H4C13: variants seen among roughly 807,000 people sequenced by gnomAD.
The protein encoded by H4C13 is H4 clustered histone 13.
In H4C13, 11 loss-of-function variants were observed where a neutral mutation model predicts 5.2. The observed-to-expected ratio is 2.13, with a 90% CI of 1.34 to 3.52. H4C13 has a LOEUF of 3.52. Ranked by LOEUF, H4C13 falls within the 30% of genes most tolerant of loss-of-function variation. H4C13 has a pLI of 0.00. For synonymous variants in H4C13, 94 were observed against 59.4 expected (o/e 1.58, Z -2.68); for missense variants, 171 against 146.8 (o/e 1.17, Z -0.85).
Position 27,873,455 on chromosome 6 carries a change from TGGCGCTTAGCGCCTCCTTTGCCCA to T in H4C13, c.32_55del (p.Leu11_Arg18del). ...AATGTTGTCGCGCAGAACTTTGCGG[TGGCGCTTAGCGCCTCCTTTGCCCA>T]GACCCTTCCCGCCTTTGCCGCGCCC... On this transcript the variant is annotated inframe_deletion, in exon 1 of 1. Transcript: ENST00000618305. 1.2e-6 allele frequency: 2 copies of T among 1,614,198 alleles called. No individual in the cohort carries two copies. Among genetic ancestry groups the T allele is most frequent in the African/African-American group, 2.7e-5 (2 of 75,072 alleles).
chr6:27,873,276 G>C lies in H4C13; in HGVS notation c.235C>G (p.Arg79Gly), dbSNP rs537599294. The change falls in exon 1 of 1, where the codon CGC becomes GGC. Residue 79 changes from arginine (R) to glycine (G), a missense_variant. By Grantham distance (125) the Arg-to-Gly change is moderately radical. Transcript: ENST00000618305. ...ACGTCCATGGCTGTGACTGTCTTGC[G>C]TTTGGCGTGCTCCGTGTAGGTAACT... is the stretch of plus-strand genomic sequence containing the variant. ...DAVTYTEHAK[R>G]KTVTAMDVVY... is the part of the protein sequence containing the mutation. 1 of 1,614,268 alleles carries C rather than the reference G, an allele frequency of 6.2e-7. No homozygotes were observed. The highest frequency in any genetic ancestry group is 1.3e-5 in the African/African-American group (1 of 75,078).
In H4C13 at chr6:27,873,477, C is replaced by T; in HGVS notation, c.34G>A (p.Gly12Ser). Residue 12 changes from glycine (G) to serine (S), a missense_variant, in exon 1 of 1, where the codon GGC becomes AGC. Coordinates refer to ENST00000618305, the MANE Select transcript of H4C13 (RefSeq NM_003546.3). ...SGRGKGGKGLGKGGAKRHRKV... is the reference protein window; with the variant it reads ...SGRGKGGKGLSKGGAKRHRKV... Reference sequence around the variant, plus strand: ...CGGTGGCGCTTAGCGCCTCCTTTGCCCAGACCCTTCCCGCCTTTGCCGCGC... The same window carrying T: ...CGGTGGCGCTTAGCGCCTCCTTTGCTCAGACCCTTCCCGCCTTTGCCGCGC... The T allele has an allele frequency of 6.2e-7, 1 of 1,612,880 alleles. No homozygotes were observed. The highest frequency in any genetic ancestry group is 8.5e-7 in the Non-Finnish European group (1 of 1,179,234).
rs572718363 is a variant in H4C13, at chr6:27,873,355, G to T, written c.156C>A (p.Tyr52Ter). ...GGVKRISGLI[Y>*]EETRGVLKVF... ...CTTTAAGAACTCCGCGTGTCTCCTC[G>T]TATATAAGGCCTGAGATGCGCTTAA... The change falls in exon 1 of 1, where the codon TAC (tyrosine) becomes TAA (stop). Residue 52 changes from tyrosine to a stop codon, truncating the protein, a stop_gained. Transcript: ENST00000618305. LOFTEE classifies it high-confidence loss of function. The T allele has an allele frequency of 1.9e-6, 3 of 1,614,262 alleles. No homozygotes were observed. The South Asian group carries it at 3.3e-5, about 18-fold the overall frequency.
At position 27,873,314 on chromosome 6, in the gene H4C13, A is replaced by G; in HGVS notation, c.197T>C (p.Val66Ala). ...CGTGTAGGTAACTGCATCGCGGATTACATTCTCCAAAAACACTTTAAGAAC... is the reference window on the plus strand; with the variant it reads ...CGTGTAGGTAACTGCATCGCGGATTGCATTCTCCAAAAACACTTTAAGAAC... ...RGVLKVFLENVIRDAVTYTEH... is the reference protein window; with the variant it reads ...RGVLKVFLENAIRDAVTYTEH... The change falls in exon 1 of 1, where the codon GTA becomes GCA. Residue 66 changes from valine to alanine, a missense_variant. Coordinates refer to ENST00000618305, the MANE Select transcript of H4C13 (RefSeq NM_003546.3). The G allele has an allele frequency of 6.2e-7, 1 of 1,614,274 alleles. No homozygotes were observed. The highest frequency in any genetic ancestry group is 2.2e-5 in the East Asian group (1 of 44,886).
In H4C13 at chr6:27,873,310, G is replaced by C; in HGVS notation, c.201C>G (p.Ile67Met). The C allele has an allele frequency of 6.2e-7, 1 of 1,614,270 alleles. No individual in the cohort carries two copies. Among genetic ancestry groups the C allele is most frequent in the Non-Finnish European group, 8.5e-7 (1 of 1,180,050 alleles). ...GVLKVFLENV[I>M]RDAVTYTEHA... ...GCTCCGTGTAGGTAACTGCATCGCGGATTACATTCTCCAAAAACACTTTAA... is the reference window on the plus strand; with the variant it reads ...GCTCCGTGTAGGTAACTGCATCGCGCATTACATTCTCCAAAAACACTTTAA... The change falls in exon 1 of 1, where the codon ATC (isoleucine) becomes ATG (methionine). Residue 67 changes from isoleucine (I) to methionine (M), a missense_variant. By Grantham distance (10) the Ile-to-Met change is conservative (BLOSUM62 1). Coordinates refer to ENST00000618305, the MANE Select transcript of H4C13 (RefSeq NM_003546.3).
At position 27,873,451 on chromosome 6, in the gene H4C13, G is replaced by A; in HGVS notation, c.60C>T (p.Arg20=). ...CCTGAATGTTGTCGCGCAGAACTTT[G>A]CGGTGGCGCTTAGCGCCTCCTTTGC... The part of the protein sequence containing the change: ...GLGKGGAKRH[R]KVLRDNIQGI... Residue 20 remains arginine (R), a synonymous_variant, in exon 1 of 1, where the codon CGC becomes CGT. Coordinates refer to ENST00000618305, the MANE Select transcript of H4C13 (RefSeq NM_003546.3). The A allele has an allele frequency of 6.2e-7, 1 of 1,614,230 alleles. No individual in the cohort carries two copies. Among genetic ancestry groups the A allele is most frequent in the Non-Finnish European group, 8.5e-7 (1 of 1,180,012 alleles).
rs775836737 is a variant in H4C13, at chr6:27,873,275, C to G, written c.236G>C (p.Arg79Pro). 3 of 1,614,270 alleles carry G rather than the reference C, an allele frequency of 1.9e-6. No homozygotes were observed. In the South Asian group the frequency reaches 3.3e-5, roughly 18 times the overall value. The stretch of plus-strand genomic sequence containing the variant: ...CACGTCCATGGCTGTGACTGTCTTG[C>G]GTTTGGCGTGCTCCGTGTAGGTAAC... Reference protein sequence around the residue: ...DAVTYTEHAKRKTVTAMDVVY... With the variant: ...DAVTYTEHAKPKTVTAMDVVY... Residue 79 changes from arginine to proline, a missense_variant, in exon 1 of 1, where the codon CGC (arginine) becomes CCC (proline). Coordinates refer to ENST00000618305, the MANE Select transcript of H4C13 (RefSeq NM_003546.3).
In H4C13 at chr6:27,873,221, G is replaced by T. The variant is rs755679155; in HGVS notation, c.290C>A (p.Thr97Asn). 2.5e-6 allele frequency: 4 copies of T among 1,614,126 alleles called. No homozygotes were observed. Among genetic ancestry groups the T allele is most frequent in the Non-Finnish European group, 3.4e-6 (4 of 1,180,026 alleles). Residue 97 changes from threonine to asparagine, a missense_variant, in exon 1 of 1, where the codon ACC becomes AAC. Thr to Asn is a moderately conservative substitution (Grantham distance 65). Coordinates refer to ENST00000618305, the MANE Select transcript of H4C13 (RefSeq NM_003546.3). Reference sequence around the variant, plus strand: ...CACTCAGCCGCCAAAGCCATACAGGGTGCGGCCCTGGCGCTTGAGCGCGTA... The same window carrying T: ...CACTCAGCCGCCAAAGCCATACAGGTTGCGGCCCTGGCGCTTGAGCGCGTA... ...VVYALKRQGR[T>N]LYGFGG
At position 27,873,419 on chromosome 6, in the gene H4C13, G is replaced by T. The variant is rs776319064; in HGVS notation, c.92C>A (p.Thr31Asn). The change falls in exon 1 of 1, where the codon ACC becomes AAC. Residue 31 changes from threonine (T) to asparagine (N), a missense_variant. Transcript: ENST00000618305. ...KVLRDNIQGI[T>N]KPAIRRLARR... ...TGCCAGGCGTCGGATGGCGGGCTTGGTGATGCCCTGAATGTTGTCGCGCAG... is the reference window on the plus strand; with the variant it reads ...TGCCAGGCGTCGGATGGCGGGCTTGTTGATGCCCTGAATGTTGTCGCGCAG... The T allele has an allele frequency of 6.2e-7, 1 of 1,614,298 alleles. No homozygotes were observed. The highest frequency in any genetic ancestry group is 1.1e-5 in the South Asian group (1 of 91,092).
In H4C13 at chr6:27,873,174, G is replaced by A. The variant is rs760845310; in HGVS notation, c.*25C>T. ...GGGTGGCCCTGAGAAGGGCCTTTGA[G>A]GAACCGTGTAAGTAAGTAAAACACT... On this transcript the variant is annotated 3_prime_UTR_variant, in exon 1 of 1. Transcript: ENST00000618305. 3.7e-6 allele frequency: 6 copies of A among 1,600,714 alleles called. No individual in the cohort carries two copies. The highest frequency in any genetic ancestry group is 1.7e-5 in the Admixed American group (1 of 58,316).
In H4C13 at chr6:27,873,242, G is replaced by A. The variant is rs748028918; in HGVS notation, c.269C>T (p.Ala90Val). ...KTVTAMDVVY[A>V]LKRQGRTLYG... ...CAGGGTGCGGCCCTGGCGCTTGAGC[G>A]CGTAAACCACGTCCATGGCTGTGAC... Residue 90 changes from alanine to valine, a missense_variant, in exon 1 of 1, where the codon GCG (alanine) becomes GTG (valine). By Grantham distance (64) the Ala-to-Val change is moderately conservative (BLOSUM62 0). Coordinates refer to ENST00000618305, the MANE Select transcript of H4C13 (RefSeq NM_003546.3). 3 of 1,614,288 alleles carry A rather than the reference G, an allele frequency of 1.9e-6. No individual in the cohort carries two copies. The highest frequency in any genetic ancestry group is 2.5e-6 in the Non-Finnish European group (3 of 1,180,046).
Position 27,873,214 on chromosome 6 carries a change from A to T in H4C13, c.297T>A (p.Tyr99Ter). 6.2e-7 allele frequency: 1 copy of T among 1,614,192 alleles called. No individual in the cohort carries two copies. The highest frequency in any genetic ancestry group is 8.5e-7 in the Non-Finnish European group (1 of 1,180,002). ...AGTAAAACACTCAGCCGCCAAAGCC[A>T]TACAGGGTGCGGCCCTGGCGCTTGA... Reference protein sequence around the residue: ...YALKRQGRTLYGFGG With the variant: ...YALKRQGRTL The change falls in exon 1 of 1, where the codon TAT (tyrosine) becomes TAA (stop). Residue 99 changes from tyrosine to a stop codon, truncating the protein, a stop_gained. Transcript: ENST00000618305. LOFTEE classifies it high-confidence loss of function.
At position 27,873,221 on chromosome 6, in the gene H4C13, G is replaced by C; in HGVS notation, c.290C>G (p.Thr97Ser). 6.2e-7 allele frequency: 1 copy of C among 1,614,244 alleles called. No homozygotes were observed. The highest frequency in any genetic ancestry group is 8.5e-7 in the Non-Finnish European group (1 of 1,180,018). Residue 97 changes from threonine (T) to serine (S), a missense_variant, in exon 1 of 1, where the codon ACC becomes AGC. Coordinates refer to ENST00000618305, the MANE Select transcript of H4C13 (RefSeq NM_003546.3). ...CACTCAGCCGCCAAAGCCATACAGGGTGCGGCCCTGGCGCTTGAGCGCGTA... is the reference window on the plus strand; with the variant it reads ...CACTCAGCCGCCAAAGCCATACAGGCTGCGGCCCTGGCGCTTGAGCGCGTA... Reference protein sequence around the residue: ...VVYALKRQGRTLYGFGG With the variant: ...VVYALKRQGRSLYGFGG
chr6:27,873,376 C>A lies in H4C13; in HGVS notation c.135G>T (p.Lys45Asn), dbSNP rs1761651410. 1.2e-6 allele frequency: 2 copies of A among 1,614,262 alleles called. No individual in the cohort carries two copies. The highest frequency in any genetic ancestry group is 1.7e-6 in the Non-Finnish European group (2 of 1,180,042). ...IRRLARRGGV[K>N]RISGLIYEET... is the part of the protein sequence containing the mutation. ...CCTCGTATATAAGGCCTGAGATGCG[C>A]TTAACGCCTCCACGCCGTGCCAGGC... is the stretch of plus-strand genomic sequence containing the variant. The change falls in exon 1 of 1, where the codon AAG (lysine) becomes AAT (asparagine). Residue 45 changes from lysine to asparagine, a missense_variant. Transcript: ENST00000618305.
Position 27,873,348 on chromosome 6 carries a change from T to A in H4C13, c.163A>T (p.Thr55Ser). The A allele has an allele frequency of 3.1e-6, 5 of 1,614,270 alleles. No individual in the cohort carries two copies. The highest frequency in any genetic ancestry group is 4.2e-6 in the Non-Finnish European group (5 of 1,180,044). ...AAAAACACTTTAAGAACTCCGCGTG[T>A]CTCCTCGTATATAAGGCCTGAGATG... is the stretch of plus-strand genomic sequence containing the variant. ...KRISGLIYEE[T>S]RGVLKVFLEN... The change falls in exon 1 of 1, where the codon ACA (threonine) becomes TCA (serine). Residue 55 changes from threonine to serine, a missense_variant. Thr to Ser is a moderately conservative substitution (Grantham distance 58). Coordinates refer to ENST00000618305, the MANE Select transcript of H4C13 (RefSeq NM_003546.3).
In H4C13 at chr6:27,873,212, C is replaced by G; in HGVS notation, c.299G>C (p.Gly100Ala). 1 of 1,614,054 alleles carries G rather than the reference C, an allele frequency of 6.2e-7. No homozygotes were observed. Among genetic ancestry groups the G allele is most frequent in the Admixed American group, 1.7e-5 (1 of 60,022 alleles). ...TAAGTAAAACACTCAGCCGCCAAAG[C>G]CATACAGGGTGCGGCCCTGGCGCTT... ...ALKRQGRTLY[G>A]FGG Residue 100 changes from glycine (G) to alanine (A), a missense_variant, in exon 1 of 1, where the codon GGC (glycine) becomes GCC (alanine). Physicochemically the swap from Gly to Ala is moderately conservative, Grantham distance 60. Transcript: ENST00000618305.
chr6:27,873,424 G>A lies in H4C13; in HGVS notation c.87C>T (p.Gly29=), dbSNP rs764874592. 1.9e-6 allele frequency: 3 copies of A among 1,614,300 alleles called. No homozygotes were observed. Among genetic ancestry groups the A allele is most frequent in the East Asian group, 2.2e-5 (1 of 44,892 alleles). ...HRKVLRDNIQ[G]ITKPAIRRLA... Reference sequence around the variant, plus strand: ...GGCGTCGGATGGCGGGCTTGGTGATGCCCTGAATGTTGTCGCGCAGAACTT... The same window carrying A: ...GGCGTCGGATGGCGGGCTTGGTGATACCCTGAATGTTGTCGCGCAGAACTT... Residue 29 remains glycine, a synonymous_variant, in exon 1 of 1, where the codon GGC becomes GGT. Transcript: ENST00000618305.
chr6:27,873,365 C>T lies in H4C13; in HGVS notation c.146G>A (p.Gly49Asp), dbSNP rs764635508. The T allele has an allele frequency of 6.2e-7, 1 of 1,614,274 alleles. No individual in the cohort carries two copies. Among genetic ancestry groups the T allele is most frequent in the Admixed American group, 1.7e-5 (1 of 60,036 alleles). ...TCCGCGTGTCTCCTCGTATATAAGGCCTGAGATGCGCTTAACGCCTCCACG... is the reference window on the plus strand; with the variant it reads ...TCCGCGTGTCTCCTCGTATATAAGGTCTGAGATGCGCTTAACGCCTCCACG... ...ARRGGVKRISGLIYEETRGVL... is the reference protein window; with the variant it reads ...ARRGGVKRISDLIYEETRGVL... The change falls in exon 1 of 1, where the codon GGC becomes GAC. Residue 49 changes from glycine to aspartate, a missense_variant. Gly to Asp is a moderately conservative substitution (Grantham distance 94). Transcript: ENST00000618305.
In H4C13 at chr6:27,873,475, G is replaced by T. The variant is rs1306778034; in HGVS notation, c.36C>A (p.Gly12=). ...SGRGKGGKGL[G]KGGAKRHRKV... is the part of the protein sequence containing the mutation. ...TGCGGTGGCGCTTAGCGCCTCCTTT[G>T]CCCAGACCCTTCCCGCCTTTGCCGC... The change falls in exon 1 of 1, where the codon GGC becomes GGA. Residue 12 remains glycine (G), a synonymous_variant. Coordinates refer to ENST00000618305, the MANE Select transcript of H4C13 (RefSeq NM_003546.3). 6.2e-7 allele frequency: 1 copy of T among 1,612,888 alleles called. No homozygotes were observed. Among genetic ancestry groups the T allele is most frequent in the African/African-American group, 1.3e-5 (1 of 74,840 alleles).
Sources: allele counts gnomAD v4.1 joint callset, GRCh38; gene constraint gnomAD v4.1.1; transcripts MANE v1.5; gene names NCBI Gene and HGNC (gene_info 2026-07-23, HGNC 2026-07-21).